Variants in PSKH1 observed in about 807,000 individuals in gnomAD.
PSKH1 encodes serine/threonine-protein kinase H1.
A neutral mutation model predicts 26.7 loss-of-function variants in PSKH1; 12 were observed. That is an observed-to-expected ratio of 0.45 (90% CI 0.29 to 0.73). PSKH1 has a LOEUF of 0.73. Among genes scored for constraint, PSKH1 ranks in the 30% least tolerant of loss-of-function variants. The pLI is 0.11. For synonymous variants in PSKH1, 213 were observed against 234.3 expected, an observed-to-expected ratio of 0.91 and a Z score of 0.83; for missense variants, 431 against 595.2, an observed-to-expected ratio of 0.72 and a Z score of 2.87.
At chr16:67,899,322 C>T (rs1190884625) in intron 1 of PSKH1, among the ~76,000 whole-genome samples, 2 of 151,720 alleles carry the variant, frequency 1.3e-5, no homozygotes, top group East Asian at 3.9e-4. Flanking sequence ...AATCCAAGAG[C>T]CAGACCACAT....
At chr16:67,922,581 G>A (rs777998256) in intron 2 of PSKH1, among the ~76,000 whole-genome samples, 3 of 152,174 alleles carry the variant, frequency 2.0e-5, no homozygotes, top group Admixed American at 6.5e-5. Flanking sequence ...TAAACTCTGC[G>A]CTTCACATGT....
At chr16:67,907,433 G>C (rs1341120917) in intron 1 of PSKH1, among the ~76,000 whole-genome samples, 1 of 151,808 alleles carries the variant, frequency 6.6e-6, no homozygotes, top group Non-Finnish European at 1.5e-5. Flanking sequence ...GCTAATTTTT[G>C]TACTTGTAGT....
At chr16:67,926,654 G>A (rs2058217404) in intron 2 of PSKH1, among the ~76,000 whole-genome samples, 1 of 152,144 alleles carries the variant, frequency 6.6e-6, no homozygotes, top group Admixed American at 6.5e-5. Flanking sequence ...CTAAAATGAG[G>A]CTGGCGCACA....
intron 1 of PSKH1, among the ~76,000 whole-genome samples, chr16:67,897,474 AATGGC>A (rs1163821532): frequency 6.6e-6 from 1 of 152,042 alleles, no homozygotes; most frequent in Non-Finnish European, 1.5e-5. Context: ...CCAGCCTTGA[AATGGC>A]CTCTCAGGGC....
At chr16:67,914,746 A>T (rs1418998067) in intron 2 of PSKH1, among the ~76,000 whole-genome samples, 1 of 152,110 alleles carries the variant, frequency 6.6e-6, no homozygotes, top group Admixed American at 6.6e-5. Flanking sequence ...GAGCCACCGC[A>T]CCCGGTGAAA....
chr16:67,909,587 A>G lies in PSKH1; in HGVS notation c.838A>G (p.Met280Val), dbSNP rs759710609. 6.2e-7 allele frequency: 1 copy of G among 1,614,102 alleles called. No individual in the cohort carries two copies. The highest frequency in any genetic ancestry group is 1.1e-5 in the South Asian group (1 of 91,088). ...VRKPYTNSVD[M>V]WALGVIAYIL... is the part of the protein sequence containing the mutation. ...CAAGCCATACACCAACTCAGTGGAC[A>G]TGTGGGCGCTGGGCGTCATTGCCTA... Residue 280 changes from methionine to valine, a missense_variant, in exon 2 of 3, where the codon ATG (methionine) becomes GTG (valine). By Grantham distance (21) the Met-to-Val change is conservative. Coordinates refer to ENST00000291041, the MANE Select transcript of PSKH1 (RefSeq NM_006742.3). The surrounding 1 kb of genome is among the most constrained non-coding windows in gnomAD (Gnocchi z 7.8).
At chr16:67,899,771 C>G (rs569116081) in intron 1 of PSKH1, among the ~76,000 whole-genome samples, 2 of 150,854 alleles carry the variant, frequency 1.3e-5, no homozygotes, top group East Asian at 3.9e-4. Context: ...CCTCAGCCTC[C>G]CAAGTAGCTG....
At position 67,927,512 on chromosome 16, in the gene PSKH1, G is replaced by A. The variant is rs575605513; in HGVS notation, c.1145G>A (p.Arg382His). ...SQNLLKRASSRCQSTKSAQST... is the reference protein window; with the variant it reads ...SQNLLKRASSHCQSTKSAQST... Reference sequence around the variant, plus strand: ...AACCTCCTTAAACGTGCCTCCTCGCGCTGCCAGAGCACCAAATCTGCCCAG... The same window carrying A: ...AACCTCCTTAAACGTGCCTCCTCGCACTGCCAGAGCACCAAATCTGCCCAG... Residue 382 changes from arginine to histidine, a missense_variant, in exon 3 of 3, where the codon CGC becomes CAC. Arg to His is a conservative substitution (Grantham distance 29). Transcript: ENST00000291041. The surrounding 1 kb of genome is among the most constrained non-coding windows in gnomAD (Gnocchi z 5.5). 8.1e-6 allele frequency: 13 copies of A among 1,614,146 alleles called. No homozygotes were observed. Among genetic ancestry groups the A allele is most frequent in the East Asian group, 4.5e-5 (2 of 44,886 alleles).
In PSKH1 at chr16:67,927,616, C is replaced by T. The variant is rs1186030654; in HGVS notation, c.1249C>T (p.Arg417Cys). The T allele has an allele frequency of 1.5e-5, 24 of 1,608,346 alleles. No homozygotes were observed. In the Admixed American group the frequency reaches 2.7e-4, roughly 18 times the overall value. ...ACGGGAGCTGCGGGAGCTCAACCTG[C>T]GCTACCAGCAGCAATACAATGGCTG... is the stretch of plus-strand genomic sequence containing the variant. ...RERELRELNL[R>C]YQQQYNG The change falls in exon 3 of 3, where the codon CGC (arginine) becomes TGC (cysteine). Residue 417 changes from arginine (R) to cysteine (C), a missense_variant. By Grantham distance (180) the Arg-to-Cys change is radical (BLOSUM62 -3). Coordinates refer to ENST00000291041, the MANE Select transcript of PSKH1 (RefSeq NM_006742.3). The surrounding 1 kb of genome is among the most constrained non-coding windows in gnomAD (Gnocchi z 5.5).
chr16:67,915,177 GTGAA>G (rs2058183816), intron 2 of PSKH1, among the ~76,000 whole-genome samples: 1 of 151,484 alleles, frequency 6.6e-6, no homozygotes, highest in Non-Finnish European at 1.5e-5. Flanking sequence ...GAATGAGTGA[GTGAA>G]TGAGTGAGTG....
chr16:67,927,680 T>A lies in PSKH1; in HGVS notation c.*38T>A. 6.4e-7 allele frequency: 1 copy of A among 1,562,316 alleles called. No individual in the cohort carries two copies. Among genetic ancestry groups the A allele is most frequent in the South Asian group, 1.2e-5 (1 of 85,776 alleles). On this transcript the variant is annotated 3_prime_UTR_variant, in exon 3 of 3. Transcript: ENST00000291041. This position sits in a 1 kb window ranked among gnomAD's most constrained non-coding sequence, Gnocchi z 5.5. ...TGCACACATGCAGCACGACCCAGCC[T>A]GGCCACACACTGTGGTGCCATCTGG...
intron 2 of PSKH1, among the ~76,000 whole-genome samples, chr16:67,918,320 GT>G (rs1342860438): frequency 6.6e-6 from 1 of 152,050 alleles, no homozygotes; most frequent in Non-Finnish European, 1.5e-5. Context: ...TGCTTGGCCA[GT>G]CTCTGAGCTG....
At position 67,909,826 on chromosome 16, in the gene PSKH1, A is replaced by G. The variant is rs759183880; in HGVS notation, c.957+120A>G. On this transcript the variant is annotated intron_variant, in intron 2 of 2. Coordinates refer to ENST00000291041, the MANE Select transcript of PSKH1 (RefSeq NM_006742.3). This position sits in a 1 kb window ranked among gnomAD's most constrained non-coding sequence, Gnocchi z 7.8. ...CATGCTCGTGAGGGCCAGGCAGGTC[A>G]TATAAAAGGGACAAAGTGAGACTAT... 5.5e-6 allele frequency: 5 copies of G among 915,410 alleles called. No individual in the cohort carries two copies. The African/African-American group carries it at 6.6e-5, about 12-fold the overall frequency. 56.7% of individuals were successfully genotyped at this position (915,410 alleles called of 1,614,324 possible).
At chr16:67,913,748 G>A (rs993229454) in intron 2 of PSKH1, among the ~76,000 whole-genome samples, 6 of 152,308 alleles carry the variant, frequency 3.9e-5, no homozygotes, top group African/African-American at 7.2e-5. Flanking sequence ...CTGGAATCTC[G>A]TTAAAATGTA....
At chr16:67,911,032 TG>T (rs2058171847) in intron 2 of PSKH1, among the ~76,000 whole-genome samples, 2 of 148,936 alleles carry the variant, frequency 1.3e-5, no homozygotes, top group Admixed American at 1.3e-4. Flanking sequence ...TTAGGAAGGA[TG>T]CTGACTGGGT....
intron 2 of PSKH1, among the ~76,000 whole-genome samples, chr16:67,913,402 C>T (rs986803989): frequency 6.6e-6 from 1 of 152,118 alleles, no homozygotes; most frequent in Non-Finnish European, 1.5e-5. Flanking sequence ...CCTGCCTTGG[C>T]CTCCCAAAGT....
chr16:67,913,031 A>T (rs542399752), intron 2 of PSKH1, among the ~76,000 whole-genome samples: 16 of 148,968 alleles, frequency 1.1e-4, no homozygotes, highest in South Asian at 6.5e-4. Context: ...CTTAAAAAAA[A>T]TTTTTTTTAG....
At chr16:67,923,605 C>T (rs1320179953) in intron 2 of PSKH1, among the ~76,000 whole-genome samples, 1 of 152,234 alleles carries the variant, frequency 6.6e-6, no homozygotes, top group Non-Finnish European at 1.5e-5. Context: ...TAGTGTTTCC[C>T]TCTGTGCCTC....
intron 2 of PSKH1, among the ~76,000 whole-genome samples, chr16:67,923,063 T>C (rs2058207180): frequency 6.6e-6 from 1 of 151,924 alleles, no homozygotes; most frequent in Non-Finnish European, 1.5e-5. Context: ...ACGAAAAGGG[T>C]TGGTGCGGGG....
Sources: gnomAD v4.1 joint callset for allele counts (sites outside exome capture counted in the v4.1 genomes callset) on GRCh38, gnomAD v4.1.1 for gene constraint, Gnocchi (gnomAD v3.1) non-coding constraint, MANE v1.5 for transcripts, NCBI Gene and HGNC (gene_info 2026-07-23, HGNC 2026-07-21) for gene names.